The following PARP16 variants were observed in gnomAD, a reference collection of about 807,000 sequenced individuals.
PARP16 encodes the protein protein mono-ADP-ribosyltransferase PARP16.
A neutral mutation model predicts 35.0 loss-of-function variants in PARP16; 31 were observed. The ratio of observed to expected loss-of-function variants is 0.88; its 90% CI spans 0.66 to 1.19. PARP16 has a LOEUF of 1.19. Ranked by LOEUF, PARP16 falls within the 50% of genes most tolerant of loss-of-function variation. The probability of loss-of-function intolerance (pLI) is 0.00; values close to 1 mark genes in which losing one functional copy is unlikely to be tolerated. For missense variants in PARP16, 424 were observed against 411.2 expected (o/e 1.03, Z -0.27); for synonymous variants, 162 against 169.5 (o/e 0.96, Z 0.34).
downstream of PARP16, among the ~76,000 whole-genome samples, chr15:65,256,259 C>A (rs1445430010): frequency 6.6e-6 from 1 of 152,118 alleles, no homozygotes; most frequent in Non-Finnish European, 1.5e-5. Flanking sequence ...ATTTACTCTG[C>A]CCTGGGCACT....
intron 3 of PARP16, 59 bp downstream of exon 3, chr15:65,266,503 C>T (rs1480768970): frequency 1.6e-5 from 23 of 1,419,804 alleles, no homozygotes; most frequent in Non-Finnish European, 2.3e-5. Context: ...CTCCCCCTCC[C>T]CACTCTCCCA....
At chr15:65,232,345 C>A (rs532927164), downstream of PARP16, among the ~76,000 whole-genome samples, 1 of 152,274 alleles carries the variant, frequency 6.6e-6, no homozygotes, top group African/African-American at 2.4e-5. Context: ...TATCAGCTCA[C>A]AAGAACCAAA....
At chr15:65,255,743 G>GAAAAAAAAAAAAAAAA (rs56665485), downstream of PARP16, among the ~76,000 whole-genome samples, 5 of 57,158 alleles carry the variant, frequency 8.7e-5, no homozygotes, top group Admixed American at 1.8e-4. Flanking sequence ...AGAAAACTCA[G>GAAAAAAAAAAAAAAAA]AAAAAAAAAA....
At chr15:65,250,381 G>T (rs911542237) in intron 2 of PARP16, among the ~76,000 whole-genome samples, 1 of 151,786 alleles carries the variant, frequency 6.6e-6, no homozygotes. Flanking sequence ...GCCTCCCAAA[G>T]TGCTGGGATT....
chr15:65,267,544 T>G (rs549658112), intron 2 of PARP16, among the ~76,000 whole-genome samples: 1 of 150,900 alleles, frequency 6.6e-6, no homozygotes, highest in African/African-American at 2.4e-5. Flanking sequence ...GAGGCAGAGC[T>G]TGCAGTGAGC....
downstream of PARP16, among the ~76,000 whole-genome samples, chr15:65,232,880 G>C (rs2088796260): frequency 6.7e-6 from 1 of 148,194 alleles, no homozygotes; most frequent in Non-Finnish European, 1.5e-5. Context: ...AACATAGTGA[G>C]AGCCCCATCT....
chr15:65,250,986 C>T (rs951769537), intron 2 of PARP16, among the ~76,000 whole-genome samples: 2 of 152,150 alleles, frequency 1.3e-5, no homozygotes, highest in Non-Finnish European at 2.9e-5. Context: ...CAGGTCCAAG[C>T]GATTCTCGTG....
chr15:65,264,155 G>T (rs2089822238), intron 3 of PARP16, among the ~76,000 whole-genome samples: 1 of 152,166 alleles, frequency 6.6e-6, no homozygotes, highest in Non-Finnish European at 1.5e-5. Context: ...CTCCCTGGTG[G>T]TGCCCTCCAT....
intron 3 of PARP16, among the ~76,000 whole-genome samples, chr15:65,245,999 T>A (rs1295610715): frequency 6.6e-6 from 1 of 152,088 alleles, no homozygotes; most frequent in African/African-American, 2.4e-5. Flanking sequence ...GTTACTCCCA[T>A]CTCCAGGGTA....
At chr15:65,260,705 A>AG (rs2140840061) in intron 5 of PARP16, among the ~76,000 whole-genome samples, 180 bp downstream of exon 5, 1 of 152,300 alleles carries the variant, frequency 6.6e-6, no homozygotes, top group East Asian at 1.9e-4. Flanking sequence ...CAGTCCTCTT[A>AG]GGGTCGGGAC....
At chr15:65,283,827 T>C (rs146196404) in intron 1 of PARP16, among the ~76,000 whole-genome samples, 1 of 152,232 alleles carries the variant, frequency 6.6e-6, no homozygotes, top group Non-Finnish European at 1.5e-5. Flanking sequence ...CAAAACTGAA[T>C]GAAGTTTCGT....
intron 3 of PARP16, among the ~76,000 whole-genome samples, chr15:65,247,665 G>C (rs2089244286): frequency 6.6e-6 from 1 of 152,098 alleles, no homozygotes; most frequent in Admixed American, 6.5e-5. Context: ...ACCCAGGCAA[G>C]GGAATGGATG....
At chr15:65,233,395 C>T (rs550979002), downstream of PARP16, among the ~76,000 whole-genome samples, 16 of 144,756 alleles carry the variant, frequency 1.1e-4, no homozygotes, top group East Asian at 2.5e-3. Flanking sequence ...GATCGAGACT[C>T]CGTCTCAAAA....
downstream of PARP16, among the ~76,000 whole-genome samples, chr15:65,255,026 A>G (rs751667299): frequency 5.9e-5 from 9 of 152,212 alleles, no homozygotes; most frequent in Non-Finnish European, 7.3e-5. Flanking sequence ...CATTAGTGAC[A>G]GAGGACAGAT....
intron 3 of PARP16, chr15:65,248,032 C>T (rs78284956): frequency 2.6e-6 from 1 of 386,634 alleles, no homozygotes; most frequent in Non-Finnish European, 5.2e-6. Flanking sequence ...TCTCGATCTC[C>T]TGACCTTGTG....
chr15:65,284,925 C>T (rs1051309294), intron 1 of PARP16, among the ~76,000 whole-genome samples: 5 of 150,148 alleles, frequency 3.3e-5, no homozygotes, highest in African/African-American at 1.2e-4. Flanking sequence ...TCAAGCCATC[C>T]TCCCGCCTCA....
intron 3 of PARP16, among the ~76,000 whole-genome samples, chr15:65,243,930 T>A (rs2140745214): frequency 6.6e-6 from 1 of 152,144 alleles, no homozygotes; most frequent in African/African-American, 2.4e-5. Flanking sequence ...GCCTTCCCCT[T>A]AGGCAAGAAC....
rs1437612827 is a variant in PARP16, at chr15:65,281,789, T to C, written c.174+4464A>G. Among the ~76,000 whole-genome samples, 4 of 151,840 alleles carry C rather than the reference T, an allele frequency of 2.6e-5. No homozygotes were observed. In the East Asian group the frequency reaches 7.7e-4, roughly 29 times the overall value. ...TGGGACTTTGAGGACAGTGGTAAGA[T>C]AAGGCTAGATCAGACCTAAAGCCAA... is the stretch of plus-strand genomic sequence containing the variant. On this transcript the variant is annotated intron_variant, in intron 1 of 5. Coordinates refer to ENST00000649807, the MANE Select transcript of PARP16 (RefSeq NM_001316943.2).
chr15:65,250,398 G>C (rs544613872), intron 2 of PARP16, among the ~76,000 whole-genome samples: 41 of 152,016 alleles, frequency 2.7e-4, no homozygotes, highest in Non-Finnish European at 4.9e-4. Context: ...GATTACAGGC[G>C]TGAGCCACTG....
Sources: allele counts gnomAD v4.1 joint callset (sites outside exome capture counted in the v4.1 genomes callset), GRCh38; gene constraint gnomAD v4.1.1; transcripts MANE v1.5; gene names NCBI Gene and HGNC (gene_info 2026-07-23, HGNC 2026-07-21).